The following DIAPH3 variants were observed in gnomAD, a reference collection of about 807,000 sequenced individuals.
DIAPH3 encodes protein diaphanous homolog 3.
In DIAPH3, 117 loss-of-function variants were observed where a neutral mutation model predicts 144.3. The ratio of observed to expected loss-of-function variants is 0.81; its 90% CI spans 0.70 to 0.95. The LOEUF (loss-of-function observed/expected upper bound fraction) is 0.95, where lower values mean the gene tolerates loss of function less well. Ranked by LOEUF, DIAPH3 falls within the 40% of genes least tolerant of loss-of-function variation. The pLI is 0.00. For missense variants in DIAPH3, 1,421 were observed against 1,412.7 expected (o/e 1.01, Z -0.09); for synonymous variants, 519 against 488.9 (o/e 1.06, Z -0.81).
intron 1 of DIAPH3, among the ~76,000 whole-genome samples, chr13:60,147,896 A>G (rs1224558784): frequency 1.3e-5 from 2 of 151,958 alleles, no homozygotes; most frequent in Non-Finnish European, 2.9e-5. Context: ...ATGGTGGATA[A>G]AACAGAGTAG....
chr13:59,666,997 G>A, intron 27 of DIAPH3, 151 bp from the exon 28 acceptor site: 5 of 980,216 alleles, frequency 5.1e-6, no homozygotes, highest in Non-Finnish European at 7.5e-6. Context: ...AGTAAGACAG[G>A]TTTAAAATAA....
chr13:59,715,559 G>A (rs2035004231), intron 27 of DIAPH3, among the ~76,000 whole-genome samples: 1 of 152,038 alleles, frequency 6.6e-6, no homozygotes, highest in Non-Finnish European at 1.5e-5. Flanking sequence ...GCTGTCCTAA[G>A]AGAGGTCAGT....
chr13:59,977,549 G>A (rs886295305), intron 14 of DIAPH3, among the ~76,000 whole-genome samples: 6 of 151,814 alleles, frequency 4.0e-5, no homozygotes, highest in African/African-American at 1.2e-4. Flanking sequence ...ACCAGCAGCA[G>A]TGTGAAAGAT....
chr13:59,990,270 C>T (rs1002493943), intron 12 of DIAPH3, among the ~76,000 whole-genome samples: 3 of 151,716 alleles, frequency 2.0e-5, no homozygotes, highest in African/African-American at 7.3e-5. Flanking sequence ...CTCCTCCTTG[C>T]TTGTTAGGTA....
intron 9 of DIAPH3, among the ~76,000 whole-genome samples, chr13:60,007,252 T>C (rs2052935321): frequency 1.3e-5 from 2 of 152,124 alleles, no homozygotes; most frequent in African/African-American, 2.4e-5. Context: ...GGTTTCACCA[T>C]GTTGGCCAGG....
rs1566364240 is a variant in DIAPH3, at chr13:59,822,216, C to T, written c.3027+10891G>A. 2.0e-5 allele frequency among the ~76,000 whole-genome samples: 3 copies of T among 152,044 alleles called. No individual in the cohort carries two copies. The South Asian group carries it at 6.2e-4, about 32-fold the overall frequency. The stretch of plus-strand genomic sequence containing the variant: ...TTGATTTCCCATTGTGTGTTCTCTT[C>T]CCTTTTGTTCAGAAGTGATATATAA... On this transcript the variant is annotated intron_variant, in intron 24 of 27. Coordinates refer to ENST00000400324, the MANE Select transcript of DIAPH3 (RefSeq NM_001042517.2).
At chr13:59,960,085 G>A (rs991304034) in intron 17 of DIAPH3, among the ~76,000 whole-genome samples, 2 of 152,128 alleles carry the variant, frequency 1.3e-5, no homozygotes, top group African/African-American at 4.8e-5. Context: ...CACTAATACA[G>A]AATGTAAAAT....
chr13:60,020,287 C>T (rs1388979548), intron 5 of DIAPH3, among the ~76,000 whole-genome samples: 1 of 152,154 alleles, frequency 6.6e-6, no homozygotes, highest in Admixed American at 6.5e-5. Context: ...GACAGATCTC[C>T]ACACCATTAC....
At chr13:59,686,011 G>A (rs2033192749) in intron 27 of DIAPH3, among the ~76,000 whole-genome samples, 1 of 152,074 alleles carries the variant, frequency 6.6e-6, no homozygotes, top group African/African-American at 2.4e-5. Context: ...CAAACTAAAT[G>A]TGCCACTGCA....
chr13:59,953,197 T>C (rs921779219), intron 17 of DIAPH3, among the ~76,000 whole-genome samples: 7 of 152,096 alleles, frequency 4.6e-5, no homozygotes, highest in African/African-American at 1.7e-4. Flanking sequence ...ATCTGGAGCA[T>C]GAATGTTCCT....
intron 25 of DIAPH3, among the ~76,000 whole-genome samples, chr13:59,795,812 T>TA (rs1218639576): frequency 6.6e-6 from 1 of 152,174 alleles, no homozygotes; most frequent in Non-Finnish European, 1.5e-5. Flanking sequence ...AGTTTGTTAC[T>TA]AGACAAACAG....
chr13:60,067,702 T>C (rs1252906702), intron 4 of DIAPH3, among the ~76,000 whole-genome samples: 2 of 152,190 alleles, frequency 1.3e-5, no homozygotes, highest in East Asian at 1.9e-4. Context: ...AAATCTATAT[T>C]ACCCTTTTAA....
intron 20 of DIAPH3, among the ~76,000 whole-genome samples, chr13:59,909,607 C>A (rs895316476): frequency 6.6e-6 from 1 of 152,018 alleles, no homozygotes; most frequent in Non-Finnish European, 1.5e-5. Context: ...AAACCAGAAC[C>A]GAAAACAATT....
chr13:59,919,224 G>T (rs1323029653), intron 18 of DIAPH3, among the ~76,000 whole-genome samples: 3 of 152,068 alleles, frequency 2.0e-5, no homozygotes, highest in Non-Finnish European at 2.9e-5. Context: ...GTTTGAGAGA[G>T]TAGATAACAT....
chr13:59,749,519 CAAAAAAAAAA>C (rs60918644), intron 27 of DIAPH3, among the ~76,000 whole-genome samples: 2 of 51,232 alleles, frequency 3.9e-5, no homozygotes, highest in Non-Finnish European at 7.6e-5. Context: ...GACTCCATCT[CAAAAAAAAAA>C]AAAAAAAAAA....
At chr13:60,108,543 T>C (rs2058482625) in intron 3 of DIAPH3, among the ~76,000 whole-genome samples, 1 of 151,864 alleles carries the variant, frequency 6.6e-6, no homozygotes, top group Admixed American at 6.6e-5. Flanking sequence ...GAGACAGAAG[T>C]TGCAATAAGC....
rs747780218 is a variant in DIAPH3, at chr13:59,924,829, T to C, written c.2116A>G (p.Lys706Glu). The C allele has an allele frequency of 6.2e-7, 1 of 1,601,992 alleles. No individual in the cohort carries two copies. Among genetic ancestry groups the C allele is most frequent in the South Asian group, 1.1e-5 (1 of 90,794 alleles). ...AACTTAAGTTCTTTAATTTTTTTCT[T>C]AATCGATTTCTTCTCTTCAATATCT... ...EEDIEEKKSIKKKIKELKFLD... is the reference protein window; with the variant it reads ...EEDIEEKKSIEKKIKELKFLD... Residue 706 changes from lysine (K) to glutamate (E), a missense_variant, in exon 18 of 28, where the codon AAG becomes GAG. Physicochemically the swap from Lys to Glu is moderately conservative, Grantham distance 56. Transcript: ENST00000400324.
At chr13:60,001,626 G>T (rs1222271984) in intron 9 of DIAPH3, among the ~76,000 whole-genome samples, 1 of 152,206 alleles carries the variant, frequency 6.6e-6, no homozygotes, top group Non-Finnish European at 1.5e-5. Flanking sequence ...CCTTCCAGGA[G>T]CACCATGTAC....
At chr13:59,727,767 T>C (rs761715002) in intron 27 of DIAPH3, among the ~76,000 whole-genome samples, 49 of 152,154 alleles carry the variant, frequency 3.2e-4, no homozygotes, top group South Asian at 8.3e-4. Context: ...GAATTTCTTG[T>C]CTAGTCTGTT....
Sources: gnomAD v4.1 joint callset for allele counts (sites outside exome capture counted in the v4.1 genomes callset) on GRCh38, gnomAD v4.1.1 for gene constraint, MANE v1.5 for transcripts, NCBI Gene and HGNC (gene_info 2026-07-23, HGNC 2026-07-21) for gene names.